Variants in PCDHA2 observed in about 807,000 individuals in gnomAD.
The protein encoded by PCDHA2 is protocadherin alpha 2, also known as protocadherin alpha-2.
A neutral mutation model predicts 66.0 loss-of-function variants in PCDHA2; 58 were observed. The ratio of observed to expected loss-of-function variants is 0.88; its 90% CI spans 0.71 to 1.09. The LOEUF is 1.09. Among genes scored for constraint, PCDHA2 ranks in the 50% least tolerant of loss-of-function variants. The pLI, the probability that PCDHA2 is intolerant of heterozygous loss-of-function variation, is 0.00. For missense variants in PCDHA2, 1,267 were observed against 1,242.3 expected (o/e 1.02, Z -0.30); for synonymous variants, 634 against 554.0 (o/e 1.14, Z -2.03).
intron 1 of PCDHA2, among the ~76,000 whole-genome samples, chr5:140,937,615 T>TCAAAAAAAAAAAAAAAAAAAAAAAA (rs1472779704): frequency 5.3e-5 from 8 of 149,546 alleles, no homozygotes; most frequent in African/African-American, 2.0e-4. Context: ...ATACTCCATC[T>TCAAAAAAAAAAAAAAAAAAAAAAAA]AAAAAGAAAA....
chr5:140,939,466 AT>A (rs1364092543), intron 1 of PCDHA2, among the ~76,000 whole-genome samples: 31 of 152,168 alleles, frequency 2.0e-4, no homozygotes, highest in African/African-American at 7.5e-4. Flanking sequence ...TAGGCCTAGA[AT>A]TCTCTTCATG....
intron 1 of PCDHA2, chr5:140,869,122 A>G (rs1562622538): frequency 2.5e-6 from 4 of 1,607,706 alleles, no homozygotes; most frequent in Non-Finnish European, 3.4e-6. Flanking sequence ...TTTTCAGAGA[A>G]GGGGATTGGG....
chr5:140,876,206 C>T, intron 1 of PCDHA2: 1 of 1,613,864 alleles, frequency 6.2e-7, no homozygotes, highest in South Asian at 1.1e-5. Context: ...TTTGATAAGC[C>T]CAGCTATAAA....
intron 1 of PCDHA2, chr5:140,824,156 T>G (rs200693729): frequency 1.7e-5 from 27 of 1,611,492 alleles, no homozygotes; most frequent in Non-Finnish European, 2.2e-5. Context: ...ACATCCATCT[T>G]TCCCTCCCAA....
In PCDHA2 at chr5:140,843,928, G is replaced by A. The variant is rs1028169690; in HGVS notation, c.2388+46576G>A. 7.7e-5 allele frequency: 45 copies of A among 584,434 alleles called. 4 individuals carry two copies. The highest frequency in any genetic ancestry group is 1.3e-4 in the Non-Finnish European group (44 of 335,490). The allele number at this position is 584,434 out of a possible 1,614,324, so 36.2% of individuals were successfully genotyped here. ...AAGTTGGGTCTATCTTGAAACTCAA[G>A]TTATGGTTGGATGATATCCATTTTT... On this transcript the variant is annotated intron_variant, in intron 1 of 3. Coordinates refer to ENST00000526136, the MANE Select transcript of PCDHA2 (RefSeq NM_018905.3).
chr5:140,903,271 A>T (rs193242810), intron 1 of PCDHA2, among the ~76,000 whole-genome samples: 58 of 152,326 alleles, frequency 3.8e-4, no homozygotes, highest in African/African-American at 1.3e-3. Flanking sequence ...GGAGTGAGGT[A>T]GTGTCTCATT....
At chr5:140,838,612 A>G (rs1326287987) in intron 1 of PCDHA2, among the ~76,000 whole-genome samples, 1 of 152,002 alleles carries the variant, frequency 6.6e-6, no homozygotes, top group Non-Finnish European at 1.5e-5. Flanking sequence ...GACTTTTAAA[A>G]ATTTTTTACA....
intron 1 of PCDHA2, among the ~76,000 whole-genome samples, chr5:140,941,194 TCTTTCTTCCTTTCTTTCTTCCTTTC>T (rs1257521577): frequency 8.9e-6 from 1 of 112,354 alleles, no homozygotes; most frequent in Admixed American, 9.1e-5. Context: ...TCTTTTTTTT[TCTTTCTTCCTTTCTTTCTTCCTTTC>T]TTTCTTTCTT....
chr5:140,795,386 G>T lies in PCDHA2; in HGVS notation c.422G>T (p.Arg141Leu), dbSNP rs1056911639. The T allele has an allele frequency of 1.2e-6, 2 of 1,614,144 alleles. No homozygotes were observed. Residue 141 changes from arginine to leucine, a missense_variant, in exon 1 of 4, where the codon CGG (arginine) becomes CTG (leucine). Physicochemically the swap from Arg to Leu is moderately radical, Grantham distance 102. Transcript: ENST00000526136. ...PIFPMTVKTI[R>L]FPESRLLDSR... ...TTTCCAATGACAGTAAAGACTATCCGGTTTCCCGAATCAAGGCTGCTTGAT... is the reference window on the plus strand; with the variant it reads ...TTTCCAATGACAGTAAAGACTATCCTGTTTCCCGAATCAAGGCTGCTTGAT...
chr5:140,865,598 C>A (rs542387225), intron 1 of PCDHA2: 1 of 152,240 alleles, frequency 6.6e-6, no homozygotes, highest in African/African-American at 2.4e-5. Flanking sequence ...ATTGTTTGAG[C>A]AGTTTATTAA....
rs551606343 is a variant in PCDHA2 at position 140,977,430 on chromosome 5, G to A, written c.2389-1519G>A. Among the ~76,000 whole-genome samples, 14 of 152,252 alleles carry A rather than the reference G, an allele frequency of 9.2e-5. No homozygotes were observed. The South Asian group carries it at 2.5e-3, about 27-fold the overall frequency. The stretch of plus-strand genomic sequence containing the variant: ...ATTTTCTTTTGTTCCCTCTAACACC[G>A]CTAGTAGATAATGGAAACTCCTTTG... On this transcript the variant is annotated intron_variant, in intron 1 of 3. Coordinates refer to ENST00000526136, the MANE Select transcript of PCDHA2 (RefSeq NM_018905.3).
intron 1 of PCDHA2, chr5:140,883,195 T>G (rs781816525): frequency 6.2e-7 from 1 of 1,613,904 alleles, no homozygotes; most frequent in Non-Finnish European, 8.5e-7. Flanking sequence ...GCAAACTAGA[T>G]TTCGAAGAAA....
At position 140,823,656 on chromosome 5, in the gene PCDHA2, A is replaced by T. The variant is rs2150127966; in HGVS notation, c.2388+26304A>T. On this transcript the variant is annotated intron_variant, in intron 1 of 3. Transcript: ENST00000526136. ...TCCCGTTCCGCGTGGGGCTGTACAC[A>T]GGCGAGATCAGCACAACACGCTCTC... 9 of 1,613,854 alleles carry T rather than the reference A, an allele frequency of 5.6e-6. No homozygotes were observed. In the African/African-American group the frequency reaches 8.0e-5, roughly 14 times the overall value.
chr5:140,808,422 C>A (rs147309851), intron 1 of PCDHA2: 5 of 1,614,150 alleles, frequency 3.1e-6, no homozygotes, highest in Non-Finnish European at 4.2e-6. Context: ...CTGGACAGTG[C>A]CCTGGACCGC....
At chr5:140,808,699 G>A in intron 1 of PCDHA2, 2 of 1,612,210 alleles carry the variant, frequency 1.2e-6, no homozygotes, top group Non-Finnish European at 8.5e-7. Context: ...AGCGCGCGCT[G>A]TCGAGCTACG....
intron 3 of PCDHA2, among the ~76,000 whole-genome samples, chr5:141,000,001 T>C (rs2097888294): frequency 6.6e-6 from 1 of 152,030 alleles, no homozygotes; most frequent in African/African-American, 2.4e-5. Flanking sequence ...TGGTATTAGA[T>C]TGGCCTCCCC....
intron 1 of PCDHA2, chr5:140,868,770 T>C (rs936187064): frequency 1.9e-5 from 5 of 257,030 alleles, no homozygotes; most frequent in Non-Finnish European, 3.7e-5. Flanking sequence ...TTAGTTTCAA[T>C]ATGACTTATA....
Position 140,880,816 on chromosome 5 carries a change from G to A in PCDHA2, c.2388+83464G>A, listed in dbSNP as rs3806840. On this transcript the variant is annotated intron_variant, in intron 1 of 3. Transcript: ENST00000526136. ...ATAAATAGGTGAATGACTCTAGAGTGTCTGGAAGGGCATATTTTAAATGGT... is the reference window on the plus strand; with the variant it reads ...ATAAATAGGTGAATGACTCTAGAGTATCTGGAAGGGCATATTTTAAATGGT... Among the ~76,000 whole-genome samples the A allele has an allele frequency of 9.8e-5, 15 of 152,318 alleles. No individual in the cohort carries two copies. In the East Asian group the frequency reaches 2.9e-3, roughly 29 times the overall value.
chr5:140,963,109 T>G (rs1490746394), intron 1 of PCDHA2, among the ~76,000 whole-genome samples: 1 of 152,128 alleles, frequency 6.6e-6, no homozygotes, highest in Non-Finnish European at 1.5e-5. Context: ...TCAGGTTGCT[T>G]ATAATTAAAG....
Sources: allele counts gnomAD v4.1 joint callset (sites outside exome capture counted in the v4.1 genomes callset), GRCh38; gene constraint gnomAD v4.1.1; transcripts MANE v1.5; gene names NCBI Gene and HGNC (gene_info 2026-07-23, HGNC 2026-07-21).